The following DPP10 variants were observed in gnomAD, a reference collection of about 807,000 sequenced individuals.
DPP10 encodes dipeptidyl peptidase like 10, also known as inactive dipeptidyl peptidase 10.
Under a neutral mutation model 120.9 loss-of-function variants are expected in DPP10, and 33 were observed. The observed-to-expected ratio is 0.27, with a 90% CI of 0.21 to 0.37. The LOEUF (loss-of-function observed/expected upper bound fraction) is 0.37. DPP10 is among the 10% of genes least tolerant of loss of function. DPP10 has a pLI of 1.00. For missense variants in DPP10, 816 were observed against 942.8 expected (o/e 0.87, Z 1.76); for synonymous variants, 337 against 326.1 (o/e 1.03, Z -0.36).
At chr2:115,657,209 A>G (rs1324797802) in intron 5 of DPP10, among the ~76,000 whole-genome samples, 1 of 151,762 alleles carries the variant, frequency 6.6e-6, no homozygotes, top group Non-Finnish European at 1.5e-5. Flanking sequence ...GTACAAACCT[A>G]AAAGTAGATA....
chr2:115,322,362 G>T (rs2106110577), intron 2 of DPP10, among the ~76,000 whole-genome samples: 1 of 152,102 alleles, frequency 6.6e-6, no homozygotes, highest in Middle Eastern at 3.4e-3. Context: ...TTAATATTTT[G>T]GTTTAGAAAT....
At chr2:115,490,875 T>C (rs1243604424) in intron 3 of DPP10, among the ~76,000 whole-genome samples, 1 of 152,166 alleles carries the variant, frequency 6.6e-6, no homozygotes, top group African/African-American at 2.4e-5. Context: ...TCCCAGCAGT[T>C]TGGGAGGCCA....
intron 1 of DPP10, among the ~76,000 whole-genome samples, chr2:114,481,254 GA>G (rs1230259503): frequency 6.6e-6 from 1 of 151,908 alleles, no homozygotes; most frequent in Non-Finnish European, 1.5e-5. Context: ...CAAATGAACA[GA>G]AGACATAAAG....
chr2:115,140,926 G>GAAAA (rs372992316), intron 1 of DPP10, among the ~76,000 whole-genome samples: 15 of 137,668 alleles, frequency 1.1e-4, no homozygotes, highest in South Asian at 2.4e-4. Context: ...TGCTTATCTT[G>GAAAA]AAAAAAAAAA....
Position 115,781,083 on chromosome 2 carries a change from T to A in DPP10, c.1483+88T>A, listed in dbSNP as rs541576287. 9.1e-6 allele frequency: 10 copies of A among 1,098,878 alleles called. No individual in the cohort carries two copies. In the East Asian group the frequency reaches 2.5e-4, roughly 27 times the overall value. The allele number at this position is 1,098,878 out of a possible 1,614,324, so 68.1% of individuals were successfully genotyped here. ...TGGTATCAGCAACTATTACTCTAGA[T>A]GATTTCATAATCTTAATTTATAAAT... On this transcript the variant is annotated intron_variant, in intron 16 of 25. Coordinates refer to ENST00000410059, the MANE Select transcript of DPP10 (RefSeq NM_020868.6).
At chr2:115,503,845 T>C (rs4536655) in intron 4 of DPP10, among the ~76,000 whole-genome samples, 32,250 of 151,994 alleles carry the variant, frequency 0.21, 3,935 homozygotes, top group East Asian at 0.39. Flanking sequence ...TGTGAGGGGT[T>C]TGCTGTGGGA....
chr2:114,626,446 A>G (rs981260232), intron 1 of DPP10, among the ~76,000 whole-genome samples: 3 of 152,098 alleles, frequency 2.0e-5, no homozygotes, highest in Non-Finnish European at 2.9e-5. Flanking sequence ...AATCACATAA[A>G]CTATATATGT....
intron 1 of DPP10, among the ~76,000 whole-genome samples, chr2:115,098,572 A>G (rs2048520186): frequency 6.6e-6 from 1 of 152,142 alleles, no homozygotes; most frequent in Non-Finnish European, 1.5e-5. Flanking sequence ...GAATCTAAAC[A>G]TTAAAAAAAA....
chr2:115,219,516 A>G (rs375001515), intron 1 of DPP10, among the ~76,000 whole-genome samples: 3 of 152,306 alleles, frequency 2.0e-5, no homozygotes, highest in East Asian at 1.9e-4. Flanking sequence ...TGGTGCTGAA[A>G]GCAGGAAGCT....
At chr2:115,106,916 A>C (rs2048973480) in intron 1 of DPP10, among the ~76,000 whole-genome samples, 3 of 152,070 alleles carry the variant, frequency 2.0e-5, no homozygotes, top group African/African-American at 7.2e-5. Flanking sequence ...TCTACTAAAA[A>C]TACAAAAAAT....
At chr2:115,385,505 G>A (rs1361782006) in intron 3 of DPP10, among the ~76,000 whole-genome samples, 4 of 151,930 alleles carry the variant, frequency 2.6e-5, no homozygotes, top group South Asian at 4.2e-4. Context: ...ACAGGCGCCC[G>A]CCACCATGCT....
intron 1 of DPP10, among the ~76,000 whole-genome samples, chr2:115,308,797 G>A (rs2061466149): frequency 6.7e-6 from 1 of 148,932 alleles, no homozygotes; most frequent in African/African-American, 2.5e-5. Context: ...CATTTTGAAT[G>A]ATTTTCCCAT....
chr2:115,678,765 T>A (rs2090454106), intron 5 of DPP10, among the ~76,000 whole-genome samples: 1 of 152,192 alleles, frequency 6.6e-6, no homozygotes, highest in Admixed American at 6.5e-5. Flanking sequence ...CACCAGCCCA[T>A]GAAAGCATCT....
In DPP10 at chr2:115,836,140, ATAT is replaced by A. The variant is rs552548018; in HGVS notation, c.1951-15_1951-13del. ...GTGAGATATATATATATATATATAT[ATAT>A]TTTTCCCCCCCAGGGTTATGGTGGC... On this transcript the variant is annotated splice_polypyrimidine_tract_variant and intron_variant, in intron 21 of 25. Coordinates refer to ENST00000410059, the MANE Select transcript of DPP10 (RefSeq NM_020868.6). The A allele has an allele frequency of 1.4e-3, 1,911 of 1,325,082 alleles. 13 individuals are homozygous for A. In the African/African-American group the frequency reaches 0.027, roughly 19 times the overall value. The allele number at this position is 1,325,082 out of a possible 1,614,324, so 82.1% of individuals were successfully genotyped here.
chr2:115,630,671 T>G (rs1202961074), intron 5 of DPP10, among the ~76,000 whole-genome samples: 1 of 152,212 alleles, frequency 6.6e-6, no homozygotes, highest in Non-Finnish European at 1.5e-5. Context: ...TCATGTGGTT[T>G]TTATATTTAG....
chr2:115,208,191 C>CTTT (rs760142039), intron 1 of DPP10, among the ~76,000 whole-genome samples: 128 of 138,924 alleles, frequency 9.2e-4, no homozygotes, highest in African/African-American at 3.1e-3. Context: ...CATTATTTCT[C>CTTT]TTTTTTTTTT....
chr2:114,453,794 C>A (rs924724515), intron 1 of DPP10, among the ~76,000 whole-genome samples: 1 of 152,120 alleles, frequency 6.6e-6, no homozygotes, highest in Non-Finnish European at 1.5e-5. Context: ...TACTAAATGG[C>A]TTCATTTTAT....
chr2:115,326,789 G>A (rs2062392135), intron 2 of DPP10, among the ~76,000 whole-genome samples: 1 of 152,024 alleles, frequency 6.6e-6, no homozygotes, highest in African/African-American at 2.4e-5. Flanking sequence ...GTGTTCAGTT[G>A]TCAAATGTGT....
chr2:115,176,087 C>G (rs1191159009), intron 1 of DPP10, among the ~76,000 whole-genome samples: 1 of 151,974 alleles, frequency 6.6e-6, no homozygotes, highest in African/African-American at 2.4e-5. Flanking sequence ...TGTCTTTAGC[C>G]AGGCTGACAC....
Sources: gnomAD v4.1 joint callset for allele counts (sites outside exome capture counted in the v4.1 genomes callset) on GRCh38, gnomAD v4.1.1 for gene constraint, MANE v1.5 for transcripts, NCBI Gene and HGNC (gene_info 2026-07-23, HGNC 2026-07-21) for gene names.